The following TSHZ3 variants were observed in gnomAD, a reference collection of about 807,000 sequenced individuals.
TSHZ3 encodes the protein teashirt homolog 3.
In TSHZ3, 10 loss-of-function variants were observed where a neutral mutation model predicts 64.5. The ratio of observed to expected loss-of-function variants is 0.16; its 90% confidence interval spans 0.10 to 0.26. The LOEUF is 0.26. Ranked by LOEUF, TSHZ3 falls within the 10% of genes least tolerant of loss-of-function variation. The pLI, the probability that TSHZ3 is intolerant of heterozygous loss-of-function variation, is 1.00. For missense variants in TSHZ3, 1,242 were observed against 1,421.7 expected, an observed-to-expected ratio of 0.87 and a Z score of 2.03; for synonymous variants, 608 against 593.1, an observed-to-expected ratio of 1.03 and a Z score of -0.36.
chr19:31,304,459 A>G (rs1049093067), intron 1 of TSHZ3, among the ~76,000 whole-genome samples: 1 of 152,178 alleles, frequency 6.6e-6, no homozygotes, highest in African/African-American at 2.4e-5. Flanking sequence ...CTGTTTAGAA[A>G]AAGAATCTCC....
At chr19:31,203,346 G>C (rs929021240) in intron 5 of TSHZ3, among the ~76,000 whole-genome samples, 2 of 152,098 alleles carry the variant, frequency 1.3e-5, no homozygotes, top group African/African-American at 2.4e-5. Context: ...AGAGAGGTGA[G>C]CTAGGCAGGG....
chr19:31,311,303 T>G (rs1916452139), intron 1 of TSHZ3, among the ~76,000 whole-genome samples: 1 of 152,204 alleles, frequency 6.6e-6, no homozygotes, highest in Admixed American at 6.5e-5. Flanking sequence ...ACTTCCCCTA[T>G]AGCCCACTCA....
chr19:31,204,949 C>T (rs1466542061), intron 5 of TSHZ3: 1 of 152,274 alleles, frequency 6.6e-6, no homozygotes, highest in Non-Finnish European at 1.5e-5. Context: ...GATAAGTTAA[C>T]ATGTACCTTT....
chr19:31,280,698 G>T (rs541067246), intron 1 of TSHZ3, among the ~76,000 whole-genome samples: 56 of 152,338 alleles, frequency 3.7e-4, no homozygotes, highest in Non-Finnish European at 7.3e-4. Flanking sequence ...ATCCAACAGA[G>T]ATCCTGTCTT....
Position 31,279,834 on chromosome 19 carries a change from A to C in TSHZ3, c.41-82T>G, listed in dbSNP as rs1225284724. ...GGAGAAGGAGAGAAAGAAAAAAAAA[A>C]GCATTAGTACTTGTTGATCTTACCT... On this transcript the variant is annotated intron_variant, in intron 1 of 1. Coordinates refer to ENST00000240587, the MANE Select transcript of TSHZ3 (RefSeq NM_020856.4). The surrounding 1 kb of genome is among the most constrained non-coding windows in gnomAD (Gnocchi z 6.4). 7.7e-7 allele frequency: 1 copy of C among 1,291,162 alleles called. No homozygotes were observed. Among genetic ancestry groups the C allele is most frequent in the Non-Finnish European group, 1.0e-6 (1 of 972,988 alleles). 80.0% of individuals were successfully genotyped at this position (1,291,162 alleles called of 1,614,324 possible).
chr19:31,204,677 G>T (rs1307974318), intron 5 of TSHZ3: 1 of 152,250 alleles, frequency 6.6e-6, no homozygotes, highest in Non-Finnish European at 1.5e-5. Context: ...CTAGTGCAAA[G>T]GATCATTTTT....
intron 1 of TSHZ3, among the ~76,000 whole-genome samples, chr19:31,301,210 G>A (rs574454368): frequency 1.3e-5 from 2 of 152,176 alleles, no homozygotes; most frequent in Admixed American, 1.3e-4. Flanking sequence ...CTGCAAAGAA[G>A]CGGGTGGTGC....
upstream of TSHZ3, chr19:31,349,476 G>C: frequency 2.6e-6 from 1 of 383,262 alleles, no homozygotes; most frequent in Non-Finnish European, 4.6e-6. Flanking sequence ...AGGAGCACGG[G>C]GGGGAGGAGG....
At position 31,284,985 on chromosome 19, in the gene TSHZ3, T is replaced by C. The variant is rs539618392; in HGVS notation, c.41-5233A>G. ...CCAGTGCAAAGCAGATGTGCTGGGG[T>C]GAGACCCAAAGTCCATCCTAGGCAA... is the stretch of plus-strand genomic sequence containing the variant. On this transcript the variant is annotated intron_variant, in intron 1 of 1. Coordinates refer to ENST00000240587, the MANE Select transcript of TSHZ3 (RefSeq NM_020856.4). Among the ~76,000 whole-genome samples, 22 of 152,276 alleles carry C rather than the reference T, an allele frequency of 1.4e-4. No individual in the cohort carries two copies. The East Asian group carries it at 4.1e-3, about 28-fold the overall frequency.
chr19:31,199,990 G>A (rs1463678092), intron 5 of TSHZ3, among the ~76,000 whole-genome samples: 1 of 151,452 alleles, frequency 6.6e-6, no homozygotes, highest in African/African-American at 2.4e-5. Flanking sequence ...ATGTCATTAG[G>A]GAAATGCAAA....
intron 5 of TSHZ3, among the ~76,000 whole-genome samples, chr19:31,158,933 G>C (rs369653748): frequency 7.2e-5 from 11 of 152,286 alleles, no homozygotes; most frequent in African/African-American, 2.6e-4. Context: ...TGTAAATACA[G>C]ATGACACTTC....
At chr19:31,172,254 T>C (rs1974546170) in intron 5 of TSHZ3, among the ~76,000 whole-genome samples, 1 of 152,206 alleles carries the variant, frequency 6.6e-6, no homozygotes, top group South Asian at 2.1e-4. Context: ...AAGTTGTAGA[T>C]CCTCTCTATG....
rs114550750 is a variant in TSHZ3 at position 31,163,925 on chromosome 19, T to C, written n.810-7508A>G. Among the ~76,000 whole-genome samples the C allele has an allele frequency of 3.2e-3, 488 of 152,228 alleles. 2 individuals are homozygous for C. Among genetic ancestry groups the C allele is most frequent in the African/African-American group, 0.011 (446 of 41,530 alleles). On this transcript the variant is annotated intron_variant and non_coding_transcript_variant, in intron 5 of 6. Coordinates refer to the TSHZ3 transcript ENST00000651361. ...GCTTCATGGGCATTTTCTCACTCAA[T>C]TTGTGCAAGATCCTAAGAAGTAAGT...
chr19:31,310,508 C>T (rs967830825), intron 1 of TSHZ3, among the ~76,000 whole-genome samples: 3 of 152,166 alleles, frequency 2.0e-5, no homozygotes, highest in Admixed American at 6.5e-5. Context: ...ATCCCTTCCA[C>T]CTTCTTAAAG....
At chr19:31,212,139 G>C (rs953819840) in intron 4 of TSHZ3, among the ~76,000 whole-genome samples, 1 of 151,736 alleles carries the variant, frequency 6.6e-6, no homozygotes. Context: ...TATTGAGTTA[G>C]TGTAATTTGT....
At chr19:31,282,931 C>T (rs915412905) in intron 1 of TSHZ3, among the ~76,000 whole-genome samples, 1 of 152,142 alleles carries the variant, frequency 6.6e-6, no homozygotes. Flanking sequence ...GTGACGTGGG[C>T]CTCACTCCCT....
intron 5 of TSHZ3, among the ~76,000 whole-genome samples, chr19:31,163,658 G>A (rs1458918502): frequency 6.6e-6 from 1 of 152,162 alleles, no homozygotes; most frequent in Middle Eastern, 3.2e-3. Flanking sequence ...TTGAACCTGG[G>A]ACGCAGAGGT....
At chr19:31,176,195 AG>A (rs995437384) in intron 5 of TSHZ3, among the ~76,000 whole-genome samples, 28 of 152,320 alleles carry the variant, frequency 1.8e-4, no homozygotes, top group Admixed American at 7.8e-4. Flanking sequence ...GGGGACATCC[AG>A]GAGAGAGGCT....
At chr19:31,197,492 A>G (rs1351682209) in intron 5 of TSHZ3, among the ~76,000 whole-genome samples, 1 of 151,780 alleles carries the variant, frequency 6.6e-6, no homozygotes, top group East Asian at 1.9e-4. Flanking sequence ...AACTCAAGAA[A>G]AAAAAAATAG....
Sources: gnomAD v4.1 joint callset for allele counts (sites outside exome capture counted in the v4.1 genomes callset) on GRCh38, gnomAD v4.1.1 for gene constraint, Gnocchi (gnomAD v3.1) non-coding constraint, MANE v1.5 for transcripts, NCBI Gene and HGNC (gene_info 2026-07-23, HGNC 2026-07-21) for gene names.